MDGA2: variants seen among roughly 807,000 people sequenced by gnomAD.
The protein encoded by MDGA2 is MAM domain-containing glycosylphosphatidylinositol anchor protein 2.
MDGA2 carries 40 observed loss-of-function variants against 117.8 expected under a neutral mutation model. The observed-to-expected ratio is 0.34, with a 90% CI of 0.26 to 0.44. The LOEUF (loss-of-function observed/expected upper bound fraction) is 0.44. Among genes scored for constraint, MDGA2 ranks in the 20% least tolerant of loss-of-function variants. MDGA2 has a pLI of 1.00. For missense variants in MDGA2, 1,123 were observed against 1,250.6 expected (o/e 0.90, Z 1.54); for synonymous variants, 452 against 439.0 (o/e 1.03, Z -0.37).
At chr14:47,079,181 G>A (rs1332940286) in intron 6 of MDGA2, among the ~76,000 whole-genome samples, 1 of 151,830 alleles carries the variant, frequency 6.6e-6, no homozygotes. Flanking sequence ...AGATTACTTG[G>A]GTGATATTTT....
At chr14:46,979,680 C>A (rs1397039135) in intron 8 of MDGA2, among the ~76,000 whole-genome samples, 1 of 152,168 alleles carries the variant, frequency 6.6e-6, no homozygotes, top group African/African-American at 2.4e-5. Flanking sequence ...TAATTTACAG[C>A]AGGGTCCTAA....
intron 8 of MDGA2, among the ~76,000 whole-genome samples, chr14:46,985,162 C>T (rs1047511689): frequency 1.3e-5 from 2 of 152,000 alleles, no homozygotes; most frequent in African/African-American, 4.8e-5. Flanking sequence ...TCCTAGTTTG[C>T]ATTTTGTGAA....
chr14:47,633,324 A>G (rs371733917), intron 1 of MDGA2, among the ~76,000 whole-genome samples: 1 of 152,270 alleles, frequency 6.6e-6, no homozygotes, highest in East Asian at 1.9e-4. Context: ...GTTAAACCTT[A>G]GTTCAATAAA....
intron 9 of MDGA2, among the ~76,000 whole-genome samples, chr14:46,955,619 T>C (rs1300581846): frequency 3.3e-5 from 5 of 151,928 alleles, no homozygotes; most frequent in Non-Finnish European, 7.4e-5. Context: ...CTAACATACA[T>C]CATAAACATA....
At chr14:47,554,742 T>C (rs983998747) in intron 1 of MDGA2, among the ~76,000 whole-genome samples, 2 of 152,174 alleles carry the variant, frequency 1.3e-5, no homozygotes, top group Admixed American at 6.5e-5. Flanking sequence ...TTGGTTACAT[T>C]CAAATACAGA....
intron 3 of MDGA2, among the ~76,000 whole-genome samples, chr14:47,187,371 G>A (rs1477003394): frequency 6.6e-6 from 1 of 151,656 alleles, no homozygotes; most frequent in African/African-American, 2.4e-5. Context: ...TAAACAATTG[G>A]CAAACCAAAA....
At chr14:47,325,142 T>C (rs759109583) in intron 1 of MDGA2, among the ~76,000 whole-genome samples, 21 of 152,130 alleles carry the variant, frequency 1.4e-4, no homozygotes, top group Admixed American at 2.6e-4. Context: ...AAGATATGGG[T>C]ATGAAAAGTG....
chr14:47,623,192 T>C (rs536790497), intron 1 of MDGA2, among the ~76,000 whole-genome samples: 3 of 152,312 alleles, frequency 2.0e-5, no homozygotes, highest in African/African-American at 7.2e-5. Context: ...CATGCTTTTT[T>C]GCCTGTCCAC....
intron 1 of MDGA2, among the ~76,000 whole-genome samples, chr14:47,559,513 C>T (rs984000776): frequency 6.6e-5 from 10 of 151,606 alleles, no homozygotes; most frequent in African/African-American, 2.2e-4. Context: ...GGGTTAATCT[C>T]GTGTCTTTGC....
chr14:47,421,788 G>A (rs560761337), intron 1 of MDGA2, among the ~76,000 whole-genome samples: 1 of 152,164 alleles, frequency 6.6e-6, no homozygotes, highest in African/African-American at 2.4e-5. Flanking sequence ...CTCTCGCATT[G>A]CAAAAACTAG....
At chr14:47,364,780 T>C (rs1197475091) in intron 1 of MDGA2, among the ~76,000 whole-genome samples, 1 of 152,226 alleles carries the variant, frequency 6.6e-6, no homozygotes, top group African/African-American at 2.4e-5. Context: ...ATTGTACAGA[T>C]TTCCACTGAG....
At chr14:47,426,613 G>T (rs1490698256) in intron 1 of MDGA2, among the ~76,000 whole-genome samples, 1 of 150,346 alleles carries the variant, frequency 6.7e-6, no homozygotes, top group Non-Finnish European at 1.5e-5. Flanking sequence ...TTAATATTTT[G>T]TAAAAAACAT....
chr14:46,932,245 C>T (rs1376559049), intron 9 of MDGA2, among the ~76,000 whole-genome samples: 1 of 151,374 alleles, frequency 6.6e-6, no homozygotes, highest in Non-Finnish European at 1.5e-5. Context: ...ATTTTCTTTT[C>T]CTAAATTAAA....
intron 1 of MDGA2, among the ~76,000 whole-genome samples, chr14:47,304,706 A>T (rs1425582600): frequency 6.6e-6 from 1 of 152,170 alleles, no homozygotes; most frequent in Non-Finnish European, 1.5e-5. Context: ...GACATTTCAT[A>T]GAGTCCTAAT....
chr14:47,053,713 C>T (rs1360016909), intron 7 of MDGA2, among the ~76,000 whole-genome samples: 1 of 147,520 alleles, frequency 6.8e-6, no homozygotes, highest in Non-Finnish European at 1.5e-5. Flanking sequence ...GAATCAGAAT[C>T]CTTTGTCCAA....
chr14:47,339,035 AT>A (rs1191262949), intron 1 of MDGA2, among the ~76,000 whole-genome samples: 2 of 152,108 alleles, frequency 1.3e-5, no homozygotes, highest in African/African-American at 2.4e-5. Context: ...AAAGAAAAAA[AT>A]GTGTCTATTT....
In MDGA2 at chr14:47,489,445, A is replaced by G. The variant is rs989161493; in HGVS notation, c.280+185072T>C. On this transcript the variant is annotated intron_variant, in intron 1 of 16. Transcript: ENST00000399232. ...AAACTAACTGACAGGAATAAACAAG[A>G]TATTTCCTACATGCTACCTTTTTTT... 5.3e-5 allele frequency among the ~76,000 whole-genome samples: 8 copies of G among 152,040 alleles called. No individual in the cohort carries two copies. In the South Asian group the frequency reaches 1.4e-3, roughly 28 times the overall value.
chr14:47,107,167 G>C (rs367842051), intron 5 of MDGA2, among the ~76,000 whole-genome samples: 80 of 149,244 alleles, frequency 5.4e-4, no homozygotes, highest in East Asian at 2.4e-3. Flanking sequence ...CCCCACTCAA[G>C]GCCAATATCC....
intron 2 of MDGA2, among the ~76,000 whole-genome samples, chr14:47,259,639 T>C (rs1306652667): frequency 3.9e-5 from 6 of 152,088 alleles, no homozygotes; most frequent in South Asian, 4.1e-4. Context: ...TTGGTACACA[T>C]GTAGCACTAT....
Sources: allele counts gnomAD v4.1 joint callset (sites outside exome capture counted in the v4.1 genomes callset), GRCh38; gene constraint gnomAD v4.1.1; transcripts MANE v1.5; gene names NCBI Gene and HGNC (gene_info 2026-07-23, HGNC 2026-07-21).